PTPRU: variants seen among roughly 807,000 people sequenced by gnomAD.
PTPRU encodes receptor-type tyrosine-protein phosphatase U.
Under a neutral mutation model 166.3 loss-of-function variants are expected in PTPRU, and 69 were observed. The observed-to-expected ratio is 0.41, with a 90% CI of 0.34 to 0.51. The LOEUF (loss-of-function observed/expected upper bound fraction) is 0.51. Ranked by LOEUF, PTPRU falls within the 20% of genes least tolerant of loss-of-function variation. The pLI, the probability that PTPRU is intolerant of heterozygous loss-of-function variation, is 0.09. For missense variants in PTPRU, 1,657 were observed against 2,013.7 expected (o/e 0.82, Z 3.39); for synonymous variants, 793 against 814.0 (o/e 0.97, Z 0.44).
At chr1:29,274,422 A>T (rs1274609054) in intron 7 of PTPRU, among the ~76,000 whole-genome samples, 3 of 152,222 alleles carry the variant, frequency 2.0e-5, no homozygotes, top group Non-Finnish European at 2.9e-5. Context: ...TATTATCATT[A>T]TCATTATATA....
chr1:29,285,497 G>A (rs977469617), intron 14 of PTPRU, among the ~76,000 whole-genome samples: 1 of 152,168 alleles, frequency 6.6e-6, no homozygotes, highest in African/African-American at 2.4e-5. Flanking sequence ...TTTCCTAGCG[G>A]ATTTGCAGAG....
At chr1:29,245,560 C>A (rs1684259497) in intron 1 of PTPRU, among the ~76,000 whole-genome samples, 1 of 152,182 alleles carries the variant, frequency 6.6e-6, no homozygotes, top group South Asian at 2.1e-4. Flanking sequence ...TGTGTCTCAG[C>A]CCTCTACTTC....
Position 29,291,151 on chromosome 1 carries a change from T to C in PTPRU, c.2319-718T>C, listed in dbSNP as rs994890602. Among the ~76,000 whole-genome samples the C allele has an allele frequency of 4.0e-5, 6 of 151,774 alleles. No homozygotes were observed. The highest frequency in any genetic ancestry group is 3.3e-4 in the Admixed American group (5 of 15,258). ...GGCCTGGAGGGAGAGGAGGTCTCTC[T>C]TTCTCTTCCCTGCTGCTCTGAGCAG... On this transcript the variant is annotated intron_variant, in intron 14 of 29. Transcript: ENST00000373779. This position sits in a 1 kb window ranked among gnomAD's most constrained non-coding sequence, Gnocchi z 4.1.
intron 11 of PTPRU, among the ~76,000 whole-genome samples, chr1:29,281,130 A>G (rs1686067010): frequency 6.6e-6 from 1 of 151,740 alleles, no homozygotes; most frequent in Admixed American, 6.6e-5. Flanking sequence ...GGGGGGTGTG[A>G]GGGTCCTAGT....
chr1:29,297,874 G>A (rs1382849415), intron 15 of PTPRU, among the ~76,000 whole-genome samples: 1 of 152,212 alleles, frequency 6.6e-6, no homozygotes, highest in Non-Finnish European at 1.5e-5. Flanking sequence ...ATGCCCTTGG[G>A]CAGGAGTGGT....
chr1:29,311,910 G>A lies in PTPRU; in HGVS notation c.3072+151G>A. On this transcript the variant is annotated intron_variant, in intron 21 of 29. Transcript: ENST00000373779. This position sits in a 1 kb window ranked among gnomAD's most constrained non-coding sequence, Gnocchi z 4.1. ...GCTACTTGGTCACTGTTGGCTGGGA[G>A]CACTCTAGAAGGGCAGGAAGGTCAC... 1 of 797,366 alleles carries A rather than the reference G, an allele frequency of 1.3e-6. No homozygotes were observed. The highest frequency in any genetic ancestry group is 1.7e-5 in the South Asian group (1 of 59,612). 49.4% of individuals were successfully genotyped at this position (797,366 alleles called of 1,614,324 possible).
rs959464275 is a variant in PTPRU at position 29,320,408 on chromosome 1, C to T, written c.3688-277C>T. ...CGGCCAGCCTCTGCCTTGAGCTCAGCCTCATGCCCAAGCTCCCCTCGCCAT... is the reference window on the plus strand; with the variant it reads ...CGGCCAGCCTCTGCCTTGAGCTCAGTCTCATGCCCAAGCTCCCCTCGCCAT... On this transcript the variant is annotated intron_variant, in intron 25 of 29. Coordinates refer to ENST00000373779, the MANE Select transcript of PTPRU (RefSeq NM_133178.4). This position sits in a 1 kb window ranked among gnomAD's most constrained non-coding sequence, Gnocchi z 5.2. The T allele has an allele frequency of 8.5e-6, 3 of 350,922 alleles. No homozygotes were observed. Among genetic ancestry groups the T allele is most frequent in the Non-Finnish European group, 1.5e-5 (3 of 195,928 alleles). 21.7% of individuals were successfully genotyped at this position (350,922 alleles called of 1,614,324 possible).
chr1:29,266,406 A>G (rs1332251038), intron 7 of PTPRU, among the ~76,000 whole-genome samples: 1 of 152,204 alleles, frequency 6.6e-6, no homozygotes, highest in Non-Finnish European at 1.5e-5. Flanking sequence ...TTGCTAATCA[A>G]TATTCGTAAG....
chr1:29,255,879 C>T (rs773306826), intron 2 of PTPRU, among the ~76,000 whole-genome samples: 2 of 152,218 alleles, frequency 1.3e-5, no homozygotes, highest in Non-Finnish European at 2.9e-5. Flanking sequence ...AGATTCTTCT[C>T]GACTTCTACC....
rs1448637303 is a variant in PTPRU, at chr1:29,246,021, T to C, written c.74-9254T>C. Among the ~76,000 whole-genome samples the C allele has an allele frequency of 2.0e-5, 3 of 152,250 alleles. No individual in the cohort carries two copies. The East Asian group carries it at 5.8e-4, about 29-fold the overall frequency. ...TTGCATCTTGGCATCACACAGCATC[T>C]CTGTACTGCACTGCACTATTGCATG... On this transcript the variant is annotated intron_variant, in intron 1 of 29. Transcript: ENST00000373779.
intron 7 of PTPRU, among the ~76,000 whole-genome samples, chr1:29,273,168 G>A (rs1685644958): frequency 6.6e-6 from 1 of 152,186 alleles, no homozygotes; most frequent in Non-Finnish European, 1.5e-5. Flanking sequence ...TTGAGGCCCA[G>A]AGATTTGCCC....
chr1:29,312,756 A>T (rs1251403010), intron 22 of PTPRU, 50 bp downstream of exon 22: 1 of 1,559,244 alleles, frequency 6.4e-7, no homozygotes, highest in South Asian at 1.2e-5. Flanking sequence ...CTCCCTGGGA[A>T]TTTGGGCTTG....
In PTPRU at chr1:29,279,352, G is replaced by A; in HGVS notation, c.1564-104G>A. ...CTTGATGGCATCCATAGTCTCCTTT[G>A]CTTAGCCTTATCTCTCACTTCCCTG... On this transcript the variant is annotated intron_variant, in intron 9 of 29. Coordinates refer to ENST00000373779, the MANE Select transcript of PTPRU (RefSeq NM_133178.4). This position sits in a 1 kb window ranked among gnomAD's most constrained non-coding sequence, Gnocchi z 5.2. The A allele has an allele frequency of 7.5e-7, 1 of 1,328,146 alleles. No homozygotes were observed. The highest frequency in any genetic ancestry group is 1.1e-6 in the Non-Finnish European group (1 of 937,818). The allele number at this position is 1,328,146 out of a possible 1,614,324, so 82.3% of individuals were successfully genotyped here.
intron 7 of PTPRU, among the ~76,000 whole-genome samples, chr1:29,262,321 C>T (rs1478667454): frequency 6.6e-6 from 1 of 152,126 alleles, no homozygotes; most frequent in Non-Finnish European, 1.5e-5. Context: ...CAATATAATC[C>T]ACATCTCATA....
rs1196637879 is a variant in PTPRU at position 29,280,460 on chromosome 1, A to G, written c.1868+319A>G. Among the ~76,000 whole-genome samples, 1 of 152,112 alleles carries G rather than the reference A, an allele frequency of 6.6e-6. No homozygotes were observed. ...GGAGAAGTGAAACTCTGGGGGCCTTATATCATCCCAGCCTTTTCCTGGAAG... is the reference window on the plus strand; with the variant it reads ...GGAGAAGTGAAACTCTGGGGGCCTTGTATCATCCCAGCCTTTTCCTGGAAG... On this transcript the variant is annotated intron_variant, in intron 11 of 29. Transcript: ENST00000373779. The surrounding 1 kb of genome is among the most constrained non-coding windows in gnomAD (Gnocchi z 4.2).
intron 1 of PTPRU, among the ~76,000 whole-genome samples, chr1:29,240,520 T>TTTTC (rs1356144925): frequency 2.6e-5 from 4 of 152,118 alleles, no homozygotes; most frequent in African/African-American, 9.7e-5. Context: ...CCTCCAGGAA[T>TTTTC]CTGGAAAATT....
At chr1:29,297,331 A>G (rs1182278887) in intron 15 of PTPRU, among the ~76,000 whole-genome samples, 2 of 152,130 alleles carry the variant, frequency 1.3e-5, no homozygotes. Flanking sequence ...CTGAGATTAC[A>G]GGTGTGAGCC....
At position 29,257,430 on chromosome 1, in the gene PTPRU, G is replaced by C. The variant is rs1574617705; in HGVS notation, c.206-1075G>C. On this transcript the variant is annotated intron_variant, in intron 2 of 29. Coordinates refer to ENST00000373779, the MANE Select transcript of PTPRU (RefSeq NM_133178.4). This position sits in a 1 kb window ranked among gnomAD's most constrained non-coding sequence, Gnocchi z 4.6. ...CCTCCTGGAGCGGGGATCTGAGTGA[G>C]CTTGTGTTGGCTGGCAGCCAAGCCC... Among the ~76,000 whole-genome samples, 2 of 152,204 alleles carry C rather than the reference G, an allele frequency of 1.3e-5. No individual in the cohort carries two copies. Among genetic ancestry groups the C allele is most frequent in the African/African-American group, 4.8e-5 (2 of 41,454 alleles).
At chr1:29,252,647 G>A (rs1456655135) in intron 1 of PTPRU, among the ~76,000 whole-genome samples, 2 of 152,168 alleles carry the variant, frequency 1.3e-5, no homozygotes, top group Non-Finnish European at 2.9e-5. Context: ...AAACAGTAGA[G>A]CCTCCTAAAA....
Sources: gnomAD v4.1 joint callset for allele counts (sites outside exome capture counted in the v4.1 genomes callset) on GRCh38, gnomAD v4.1.1 for gene constraint, Gnocchi (gnomAD v3.1) non-coding constraint, MANE v1.5 for transcripts, NCBI Gene and HGNC (gene_info 2026-07-23, HGNC 2026-07-21) for gene names.